PHACTR3: variants seen among roughly 807,000 people sequenced by gnomAD.
PHACTR3 encodes the protein protein phosphatase 1, regulatory subunit 123.
A neutral mutation model predicts 66.8 loss-of-function variants in PHACTR3; 16 were observed. That is an observed-to-expected ratio of 0.24 (90% CI 0.16 to 0.36). The LOEUF (loss-of-function observed/expected upper bound fraction) is 0.36. Among genes scored for constraint, PHACTR3 ranks in the 10% least tolerant of loss-of-function variants. PHACTR3 has a pLI of 1.00. For synonymous variants in PHACTR3, 323 were observed against 292.1 expected, an observed-to-expected ratio of 1.11 and a Z score of -1.08; for missense variants, 647 against 719.9, an observed-to-expected ratio of 0.90 and a Z score of 1.16.
chr20:59,654,175 GTTGTATA>G (rs1169606556), intron 1 of PHACTR3, among the ~76,000 whole-genome samples: 3 of 152,128 alleles, frequency 2.0e-5, no homozygotes, highest in African/African-American at 7.2e-5. Flanking sequence ...ATTGGTCACC[GTTGTATA>G]TTGCTAGAAC....
chr20:59,673,192 G>C (rs1438046687), intron 1 of PHACTR3, among the ~76,000 whole-genome samples: 1 of 152,208 alleles, frequency 6.6e-6, no homozygotes, highest in South Asian at 2.1e-4. Flanking sequence ...TTATCTGTGG[G>C]CATGGCAGGA....
chr20:59,672,890 G>A (rs1479933401), intron 1 of PHACTR3, among the ~76,000 whole-genome samples: 1 of 152,202 alleles, frequency 6.6e-6, no homozygotes, highest in Non-Finnish European at 1.5e-5. Flanking sequence ...AGAGCCTTGG[G>A]GGCTTCCAGG....
At chr20:59,748,949 G>A (rs2039473801) in intron 3 of PHACTR3, among the ~76,000 whole-genome samples, 1 of 152,170 alleles carries the variant, frequency 6.6e-6, no homozygotes, top group South Asian at 2.1e-4. Flanking sequence ...TGTGGGCCCA[G>A]GCTTTTGTCA....
At chr20:59,755,806 G>A (rs2039771344) in intron 4 of PHACTR3, among the ~76,000 whole-genome samples, 1 of 152,194 alleles carries the variant, frequency 6.6e-6, no homozygotes, top group Non-Finnish European at 1.5e-5. Context: ...CCTAAGAGAT[G>A]CTGAAGTCCC....
intron 1 of PHACTR3, among the ~76,000 whole-genome samples, chr20:59,732,494 C>G (rs1371916810): frequency 6.6e-6 from 1 of 152,142 alleles, no homozygotes; most frequent in Non-Finnish European, 1.5e-5. Flanking sequence ...TTCCAGGGGC[C>G]AATTATTCAC....
At chr20:59,668,020 C>T (rs147874354) in intron 1 of PHACTR3, among the ~76,000 whole-genome samples, 9 of 152,280 alleles carry the variant, frequency 5.9e-5, no homozygotes, top group South Asian at 2.1e-4. Context: ...ACACCTGTAC[C>T]GAGGCAGAGG....
intron 7 of PHACTR3, among the ~76,000 whole-genome samples, chr20:59,778,555 C>T (rs1000663677): frequency 4.6e-5 from 7 of 152,252 alleles, no homozygotes; most frequent in Non-Finnish European, 7.3e-5. Context: ...TCCCCTACGG[C>T]AGCGTCCCTG....
intron 1 of PHACTR3, among the ~76,000 whole-genome samples, chr20:59,674,135 C>G (rs561672414): frequency 2.6e-5 from 4 of 151,738 alleles, no homozygotes; most frequent in South Asian, 2.1e-4. Flanking sequence ...GGGCTGGTTC[C>G]CTCCCACCTC....
chr20:59,605,403 G>C (rs1262996406), intron 1 of PHACTR3, among the ~76,000 whole-genome samples: 1 of 152,220 alleles, frequency 6.6e-6, no homozygotes, highest in African/African-American at 2.4e-5. Context: ...CCTCGAAGGA[G>C]GCTTCCTTTC....
Position 59,836,502 on chromosome 20 carries a change from C to T in PHACTR3, c.1329-3C>T, listed in dbSNP as rs374884056. The T allele has an allele frequency of 6.4e-5, 103 of 1,607,466 alleles. No homozygotes were observed. Among genetic ancestry groups the T allele is most frequent in the Non-Finnish European group, 8.0e-5 (94 of 1,177,810 alleles). ...AAAATGTAATTTTAGTGTTTTTCCG[C>T]AGACGGCTGAGCCAAAGACCTGCCG... is the stretch of plus-strand genomic sequence containing the variant. On this transcript the variant is annotated splice_region_variant and splice_polypyrimidine_tract_variant and intron_variant, in intron 8 of 12. Coordinates refer to ENST00000371015, the MANE Select transcript of PHACTR3 (RefSeq NM_080672.5).
chr20:59,632,914 G>GT (rs1362460197), intron 1 of PHACTR3, among the ~76,000 whole-genome samples: 1 of 152,212 alleles, frequency 6.6e-6, no homozygotes, highest in Non-Finnish European at 1.5e-5. Flanking sequence ...TCAAAGTGGA[G>GT]TATCATGGTG....
intron 1 of PHACTR3, among the ~76,000 whole-genome samples, chr20:59,741,507 A>T (rs2039162204): frequency 1.3e-5 from 2 of 152,186 alleles, no homozygotes; most frequent in African/African-American, 4.8e-5. Context: ...CAATGTGCTC[A>T]TCTATTCTCA....
intron 1 of PHACTR3, among the ~76,000 whole-genome samples, chr20:59,717,128 T>G (rs575483733): frequency 6.6e-6 from 1 of 152,394 alleles, no homozygotes; most frequent in African/African-American, 2.4e-5. Context: ...ACATTCATTT[T>G]GTTTCCAACA....
chr20:59,694,796 A>G (rs1260022599), intron 1 of PHACTR3, among the ~76,000 whole-genome samples: 1 of 152,134 alleles, frequency 6.6e-6, no homozygotes, highest in African/African-American at 2.4e-5. Context: ...GATCCTCAGC[A>G]TGGAAGACAC....
chr20:59,623,659 G>A (rs1030943417), intron 1 of PHACTR3, among the ~76,000 whole-genome samples: 4 of 152,166 alleles, frequency 2.6e-5, no homozygotes, highest in Non-Finnish European at 4.4e-5. Context: ...TGAAGGATAC[G>A]TGGGAATGGA....
chr20:59,773,786 C>G (rs189247087), intron 6 of PHACTR3, among the ~76,000 whole-genome samples: 218 of 152,322 alleles, frequency 1.4e-3, no homozygotes, highest in Admixed American at 2.2e-3. Flanking sequence ...TCCACTTTGT[C>G]CCAGGACACT....
intron 1 of PHACTR3, among the ~76,000 whole-genome samples, chr20:59,597,535 C>T (rs2033359010): frequency 6.6e-6 from 1 of 152,216 alleles, no homozygotes; most frequent in East Asian, 1.9e-4. Flanking sequence ...CTTTGCCTCT[C>T]ATTTTCCTCA....
rs1430209577 is a variant in PHACTR3 at position 59,847,526 on chromosome 20, TC to T, written c.*397del. On this transcript the variant is annotated 3_prime_UTR_variant, in exon 13 of 13. Coordinates refer to ENST00000371015, the MANE Select transcript of PHACTR3 (RefSeq NM_080672.5). ...GTGACAGTGTCATTCAGTATTATGT[TC>T]AAAAGACATTTTTATCCTGATCATA... The T allele has an allele frequency of 5.8e-6, 1 of 171,360 alleles. No individual in the cohort carries two copies. The highest frequency in any genetic ancestry group is 6.2e-5 in the Admixed American group (1 of 16,226). 10.6% of individuals were successfully genotyped at this position (171,360 alleles called of 1,614,324 possible).
chr20:59,724,952 C>T (rs771719684), intron 1 of PHACTR3, among the ~76,000 whole-genome samples: 3 of 151,136 alleles, frequency 2.0e-5, no homozygotes, highest in Admixed American at 6.6e-5. Context: ...AGCTGTGAGC[C>T]TAGGTGTGCT....
Sources: allele counts gnomAD v4.1 joint callset (sites outside exome capture counted in the v4.1 genomes callset), GRCh38; gene constraint gnomAD v4.1.1; transcripts MANE v1.5; gene names NCBI Gene and HGNC (gene_info 2026-07-23, HGNC 2026-07-21).